XPNPEP3: variants seen among roughly 807,000 people sequenced by gnomAD.
XPNPEP3 encodes the protein X-prolyl aminopeptidase 3.
A neutral mutation model predicts 60.0 loss-of-function variants in XPNPEP3; 41 were observed. The ratio of observed to expected loss-of-function variants is 0.68; its 90% CI spans 0.53 to 0.89. XPNPEP3 has a LOEUF of 0.89. Ranked by LOEUF, XPNPEP3 falls within the 40% of genes least tolerant of loss-of-function variation. The probability of loss-of-function intolerance (pLI) is 0.00; values close to 1 mark genes in which losing one functional copy is unlikely to be tolerated. For synonymous variants in XPNPEP3, 212 were observed against 223.2 expected (o/e 0.95, Z 0.45); for missense variants, 598 against 638.9 (o/e 0.94, Z 0.69).
intron 4 of XPNPEP3, among the ~76,000 whole-genome samples, chr22:40,889,258 CAA>C (rs2058080469): frequency 6.6e-6 from 1 of 152,082 alleles, no homozygotes; most frequent in African/African-American, 2.4e-5. Flanking sequence ...CTCCTGGCCT[CAA>C]GAGATCTTCC....
chr22:40,858,074 C>G (rs1190217901), intron 1 of XPNPEP3, among the ~76,000 whole-genome samples: 1 of 152,218 alleles, frequency 6.6e-6, no homozygotes, highest in Admixed American at 6.5e-5. Flanking sequence ...AAAGACAACT[C>G]TCCGTGGGAT....
At chr22:40,922,743 C>CA (rs2058221333) in intron 8 of XPNPEP3, among the ~76,000 whole-genome samples, 3 of 151,942 alleles carry the variant, frequency 2.0e-5, no homozygotes. Flanking sequence ...CACACACACA[C>CA]ACATATATAT....
intron 3 of XPNPEP3, 77 bp from the exon 4 acceptor site, chr22:40,886,236 C>T (rs1242811882): frequency 1.4e-6 from 2 of 1,458,350 alleles, no homozygotes; most frequent in East Asian, 2.3e-5. Flanking sequence ...GACTCTTGTT[C>T]AAGTCGTTAT....
chr22:40,922,132 G>A (rs908805990), intron 7 of XPNPEP3, among the ~76,000 whole-genome samples: 8 of 152,052 alleles, frequency 5.3e-5, no homozygotes, highest in Non-Finnish European at 1.0e-4. Context: ...TGCTGCTCCA[G>A]CTTGAAGGAT....
At chr22:40,868,973 T>C in intron 1 of XPNPEP3, 26 bp from the exon 2 acceptor site, 1 of 1,571,506 alleles carries the variant, frequency 6.4e-7, no homozygotes, top group Non-Finnish European at 8.8e-7. Flanking sequence ...TATTGTTTCA[T>C]TTCATTCTCT....
Position 40,924,496 on chromosome 22 carries a change from T to A in XPNPEP3, c.1357+14T>A. 1 of 1,613,870 alleles carries A rather than the reference T, an allele frequency of 6.2e-7. No homozygotes were observed. Among genetic ancestry groups the A allele is most frequent in the East Asian group, 2.2e-5 (1 of 44,880 alleles). ...CAATTGAGCCCGGTAAGGAGAGGTG[T>A]TACAATAGTAGTATGAGGTAAATGT... On this transcript the variant is annotated intron_variant, in intron 9 of 9. Coordinates refer to ENST00000357137, the MANE Select transcript of XPNPEP3 (RefSeq NM_022098.4).
At chr22:40,881,391 G>C (rs2025242937) in intron 2 of XPNPEP3, among the ~76,000 whole-genome samples, 1 of 150,632 alleles carries the variant, frequency 6.6e-6, no homozygotes, top group African/African-American at 2.4e-5. Context: ...GAGAGGCAGA[G>C]GTTTCAGTGA....
At chr22:40,883,625 G>A (rs1422289839) in intron 3 of XPNPEP3, among the ~76,000 whole-genome samples, 2 of 152,140 alleles carry the variant, frequency 1.3e-5, no homozygotes, top group African/African-American at 4.8e-5. Flanking sequence ...GCCTCCTGAA[G>A]TGCTGGGATT....
intron 1 of XPNPEP3, chr22:40,860,657 T>A: frequency 4.9e-4 from 104 of 212,104 alleles, no homozygotes; most frequent in Non-Finnish European, 7.6e-4. Context: ...TCCAAATTCC[T>A]TTTTTTTTTT....
At position 40,922,367 on chromosome 22, in the gene XPNPEP3, G is replaced by T; in HGVS notation, c.1090G>T (p.Val364Phe). The T allele has an allele frequency of 6.2e-7, 1 of 1,613,846 alleles. No individual in the cohort carries two copies. Among genetic ancestry groups the T allele is most frequent in the South Asian group, 1.1e-5 (1 of 91,074 alleles). The change falls in exon 8 of 10, where the codon GTT (valine) becomes TTT (phenylalanine). Residue 364 changes from valine to phenylalanine, a missense_variant. Coordinates refer to ENST00000357137, the MANE Select transcript of XPNPEP3 (RefSeq NM_022098.4). ...ACCTCAGGCAGAACTCTATGAAGCC[G>T]TTCTAGAGATCCAAAGAGATTGTTT... Reference protein sequence around the residue: ...TAPQAELYEAVLEIQRDCLAL... With the variant: ...TAPQAELYEAFLEIQRDCLAL...
chr22:40,869,145 A>G lies in XPNPEP3; in HGVS notation c.181+30A>G, dbSNP rs60640880. The G allele has an allele frequency of 1.9e-5, 30 of 1,566,028 alleles. No homozygotes were observed. The African/African-American group carries it at 3.7e-4, about 19-fold the overall frequency. On this transcript the variant is annotated intron_variant, in intron 2 of 9. Coordinates refer to ENST00000357137, the MANE Select transcript of XPNPEP3 (RefSeq NM_022098.4). ...GGCCTTTTAACTGTGCTATCTCCCC[A>G]TTTAGGTTCTGTCTAGAGCAATGCT...
At chr22:40,858,048 C>A (rs1478245301) in intron 1 of XPNPEP3, among the ~76,000 whole-genome samples, 1 of 152,178 alleles carries the variant, frequency 6.6e-6, no homozygotes, top group Non-Finnish European at 1.5e-5. Context: ...CTTCAGTTCT[C>A]ATAGTAAAGC....
chr22:40,911,077 C>T (rs1166341021), intron 6 of XPNPEP3, among the ~76,000 whole-genome samples: 1 of 152,094 alleles, frequency 6.6e-6, no homozygotes, highest in South Asian at 2.1e-4. Context: ...TCTGTTTATA[C>T]TTCACTAGCA....
chr22:40,865,359 A>C lies in XPNPEP3; in HGVS notation c.65-3640A>C, dbSNP rs181256156. 1.9e-4 allele frequency among the ~76,000 whole-genome samples: 23 copies of C among 119,400 alleles called. No homozygotes were observed. In the East Asian group the frequency reaches 3.4e-3, roughly 17 times the overall value. The allele number at this position is 119,400 out of a possible 152,430, so 78.3% of individuals were successfully genotyped here. A position where few individuals can be genotyped will look rare whatever the true frequency, so the allele number is the denominator to read the frequency against. On this transcript the variant is annotated intron_variant, in intron 1 of 9. Coordinates refer to ENST00000357137, the MANE Select transcript of XPNPEP3 (RefSeq NM_022098.4). ...TTTTTTTTTTTTGAGATGGAGTTTCACTCTCGTTGCCCAGGCTAGAGTACA... is the reference window on the plus strand; with the variant it reads ...TTTTTTTTTTTTGAGATGGAGTTTCCCTCTCGTTGCCCAGGCTAGAGTACA...
chr22:40,915,932 G>A (rs1310714996), intron 7 of XPNPEP3, among the ~76,000 whole-genome samples: 1 of 152,172 alleles, frequency 6.6e-6, no homozygotes, highest in Non-Finnish European at 1.5e-5. Context: ...AGCTATCCAA[G>A]TTAACAAAAT....
intron 2 of XPNPEP3, among the ~76,000 whole-genome samples, chr22:40,872,787 G>T (rs991539265): frequency 6.6e-6 from 1 of 151,992 alleles, no homozygotes; most frequent in Non-Finnish European, 1.5e-5. Flanking sequence ...TATATTATCT[G>T]TACAAGAAAG....
At chr22:40,861,096 A>C (rs930132441) in intron 1 of XPNPEP3, 3 of 1,597,238 alleles carry the variant, frequency 1.9e-6, no homozygotes, top group Non-Finnish European at 1.7e-6. Context: ...CTTCTTTTGC[A>C]CCTCTTTACG....
chr22:40,864,550 A>G (rs537907517), intron 1 of XPNPEP3, among the ~76,000 whole-genome samples: 55 of 152,260 alleles, frequency 3.6e-4, no homozygotes, highest in South Asian at 1.7e-3. Context: ...GGTTCAAGCC[A>G]TTCTCCTGCC....
At chr22:40,859,361 T>C (rs1280397066) in intron 1 of XPNPEP3, among the ~76,000 whole-genome samples, 2 of 152,152 alleles carry the variant, frequency 1.3e-5, no homozygotes, top group African/African-American at 2.4e-5. Context: ...GATGATTAAA[T>C]CTAAATTTTT....
Sources: gnomAD v4.1 joint callset for allele counts (sites outside exome capture counted in the v4.1 genomes callset) on GRCh38, gnomAD v4.1.1 for gene constraint, MANE v1.5 for transcripts, NCBI Gene and HGNC (gene_info 2026-07-23, HGNC 2026-07-21) for gene names.